AADACL2: variants seen among roughly 807,000 people sequenced by gnomAD.
The protein encoded by AADACL2 is arylacetamide deacetylase-like 2.
In AADACL2, 23 loss-of-function variants were observed where a neutral mutation model predicts 22.3. The observed-to-expected ratio is 1.03, with a 90% confidence interval of 0.74 to 1.46. The LOEUF (loss-of-function observed/expected upper bound fraction) is 1.46, where lower values mean the gene tolerates loss of function less well. Among genes scored for constraint, AADACL2 ranks in the 40% most tolerant of loss-of-function variants. The probability of loss-of-function intolerance (pLI) is 0.00; values close to 1 mark genes in which losing one functional copy is unlikely to be tolerated. For missense variants in AADACL2, 472 were observed against 482.9 expected (o/e 0.98, Z 0.21); for synonymous variants, 177 against 166.2 (o/e 1.07, Z -0.50).
In AADACL2 at chr3:151,757,209, C is replaced by G; in HGVS notation, c.821C>G (p.Ser274Ter). The G allele has an allele frequency of 3.1e-6, 5 of 1,613,636 alleles. No individual in the cohort carries two copies. The South Asian group carries it at 5.5e-5, about 18-fold the overall frequency. The stretch of plus-strand genomic sequence containing the variant: ...AGAAACCAACACATGCCTCTGGAGT[C>G]AAGACATCTGTTTAAGTTTGTTAAC... The part of the protein sequence containing the change: ...MRRNQHMPLE[S>*]RHLFKFVNWS... Residue 274 changes from serine (S) to a stop codon, truncating the protein, a stop_gained, in exon 5 of 5, where the codon TCA becomes TGA. Coordinates refer to ENST00000356517, the MANE Select transcript of AADACL2 (RefSeq NM_207365.4). LOFTEE classifies it low-confidence loss of function (END_TRUNC).
chr3:151,754,236 C>CGGGA (rs1307752306), intron 4 of AADACL2, among the ~76,000 whole-genome samples: 45 of 152,232 alleles, frequency 3.0e-4, no homozygotes, highest in African/African-American at 1.1e-3. Context: ...TGCTGGTCCA[C>CGGGA]ATGTTTACTC....
intron 1 of AADACL2, among the ~76,000 whole-genome samples, chr3:151,735,690 G>A (rs914993924): frequency 8.5e-5 from 13 of 152,260 alleles, no homozygotes; most frequent in East Asian, 3.9e-4. Flanking sequence ...TCCAGGAGGC[G>A]GAGGTTGCAG....
At chr3:151,740,164 G>C (rs1389358723) in intron 1 of AADACL2, among the ~76,000 whole-genome samples, 1 of 152,228 alleles carries the variant, frequency 6.6e-6, no homozygotes, top group African/African-American at 2.4e-5. Context: ...CTCCTGATCT[G>C]CAGATTGCAA....
rs183436583 is a variant in AADACL2, at chr3:151,749,769, C to T, written c.603+4089C>T. ...GTGCTGGAATTACAGGCGTGAGCCACTGCACCCGGCCCAGACTTTTTTTAC... is the reference window on the plus strand; with the variant it reads ...GTGCTGGAATTACAGGCGTGAGCCATTGCACCCGGCCCAGACTTTTTTTAC... On this transcript the variant is annotated intron_variant, in intron 4 of 4. Coordinates refer to ENST00000356517, the MANE Select transcript of AADACL2 (RefSeq NM_207365.4). 1.4e-3 allele frequency among the ~76,000 whole-genome samples: 220 copies of T among 152,182 alleles called. 1 individual carries two copies. The highest frequency in any genetic ancestry group is 4.6e-4 in the Non-Finnish European group (31 of 67,972).
rs1278623248 is a variant in AADACL2, at chr3:151,735,962, G to A, written c.138+1789G>A. Among the ~76,000 whole-genome samples the A allele has an allele frequency of 2.0e-5, 3 of 152,162 alleles. No individual in the cohort carries two copies. In the East Asian group the frequency reaches 5.8e-4, roughly 29 times the overall value. On this transcript the variant is annotated intron_variant, in intron 1 of 4. Coordinates refer to ENST00000356517, the MANE Select transcript of AADACL2 (RefSeq NM_207365.4). ...CAAAAGTCCTCGAGAAGCTGGTCAG[G>A]AATACCAAAGGCAGCTTTTTTCAGT... is the stretch of plus-strand genomic sequence containing the variant.
At position 151,739,666 on chromosome 3, in the gene AADACL2, A is replaced by G. The variant is rs139606121; in HGVS notation, c.139-980A>G. On this transcript the variant is annotated intron_variant, in intron 1 of 4. Transcript: ENST00000356517. The stretch of plus-strand genomic sequence containing the variant: ...TCAGGAAGATGGGAGTTTTATCTGT[A>G]AGCCTCTGACTAGGGCTGCTGCCTT... Among the ~76,000 whole-genome samples, 69 of 152,260 alleles carry G rather than the reference A, an allele frequency of 4.5e-4. No individual in the cohort carries two copies. The East Asian group carries it at 0.013, about 28-fold the overall frequency.
rs112989452 is a variant in AADACL2, at chr3:151,744,580, T to C, written c.431+418T>C. On this transcript the variant is annotated intron_variant, in intron 3 of 4. Transcript: ENST00000356517. The stretch of plus-strand genomic sequence containing the variant: ...CTATTTTATATCTGTTTTGATATAA[T>C]AATATGTTTGTGCCTGGCTTATACA... Among the ~76,000 whole-genome samples, 838 of 152,282 alleles carry C rather than the reference T, an allele frequency of 5.5e-3. 9 individuals are homozygous for C. The highest frequency in any genetic ancestry group is 0.019 in the African/African-American group (794 of 41,564).
chr3:151,738,715 T>A (rs1713175694), intron 1 of AADACL2, among the ~76,000 whole-genome samples: 1 of 152,196 alleles, frequency 6.6e-6, no homozygotes, highest in African/African-American at 2.4e-5. Context: ...TTTTCTCTAA[T>A]CTTATCTTCA....
At chr3:151,750,630 C>T (rs1292750887) in intron 4 of AADACL2, among the ~76,000 whole-genome samples, 1 of 151,900 alleles carries the variant, frequency 6.6e-6, no homozygotes, top group Non-Finnish European at 1.5e-5. Flanking sequence ...TAAAATATGA[C>T]TTTAGTTATA....
rs763294749 is a variant in AADACL2, at chr3:151,757,357, T to C, written c.969T>C (p.Asn323=). ...TDSRALPLLA[N]DSQLQNLPLT... ...GCAGAGCATTACCCTTGTTGGCCAA[T>C]GATTCTCAGTTACAGAATTTGCCAC... Residue 323 remains asparagine, a synonymous_variant, in exon 5 of 5, where the codon AAT becomes AAC. Coordinates refer to ENST00000356517, the MANE Select transcript of AADACL2 (RefSeq NM_207365.4). The C allele has an allele frequency of 6.2e-7, 1 of 1,613,820 alleles. No individual in the cohort carries two copies. Among genetic ancestry groups the C allele is most frequent in the South Asian group, 1.1e-5 (1 of 91,066 alleles).
At chr3:151,738,204 C>T (rs62274236) in intron 1 of AADACL2, among the ~76,000 whole-genome samples, 2,673 of 152,186 alleles carry the variant, frequency 0.018, 27 homozygotes, top group Non-Finnish European at 0.027. Flanking sequence ...TGACAAAATC[C>T]CTCAGCATTT....
At chr3:151,750,749 A>C (rs1713636494) in intron 4 of AADACL2, among the ~76,000 whole-genome samples, 1 of 152,200 alleles carries the variant, frequency 6.6e-6, no homozygotes, top group Non-Finnish European at 1.5e-5. Context: ...AGAAGTTTAT[A>C]TACATACATA....
chr3:151,741,128 T>C (rs1249467661), intron 2 of AADACL2, among the ~76,000 whole-genome samples: 1 of 152,180 alleles, frequency 6.6e-6, no homozygotes, highest in Non-Finnish European at 1.5e-5. Flanking sequence ...AATGAACATA[T>C]ATCAAAGGAA....
At chr3:151,742,934 C>T (rs946363791) in intron 2 of AADACL2, among the ~76,000 whole-genome samples, 1 of 151,986 alleles carries the variant, frequency 6.6e-6, no homozygotes, top group African/African-American at 2.4e-5. Context: ...AAGCCACAGA[C>T]CCTCTTTTTG....
chr3:151,749,491 T>C (rs1010561514), intron 4 of AADACL2, among the ~76,000 whole-genome samples: 10 of 152,144 alleles, frequency 6.6e-5, no homozygotes, highest in African/African-American at 2.2e-4. Flanking sequence ...AGACTTTTTT[T>C]TTGGTTTTTG....
At chr3:151,742,936 C>A (rs1713324732) in intron 2 of AADACL2, among the ~76,000 whole-genome samples, 1 of 152,024 alleles carries the variant, frequency 6.6e-6, no homozygotes, top group African/African-American at 2.4e-5. Flanking sequence ...GCCACAGACC[C>A]TCTTTTTGGT....
chr3:151,744,106 T>C lies in AADACL2; in HGVS notation c.375T>C (p.Phe125=). Residue 125 remains phenylalanine, a synonymous_variant, in exon 3 of 5, where the codon TTT becomes TTC. Coordinates refer to ENST00000356517, the MANE Select transcript of AADACL2 (RefSeq NM_207365.4). ...TCTTCATTTCAGAACAGAGGGCTTT[T>C]GACTTCCTGAATAGATGGACGGCAA... ...FCFGSSKQRA[F]DFLNRWTANT... 1 of 1,613,774 alleles carries C rather than the reference T, an allele frequency of 6.2e-7. No individual in the cohort carries two copies. The highest frequency in any genetic ancestry group is 8.5e-7 in the Non-Finnish European group (1 of 1,179,750).
At chr3:151,739,760 C>T (rs2107981540) in intron 1 of AADACL2, among the ~76,000 whole-genome samples, 1 of 152,288 alleles carries the variant, frequency 6.6e-6, no homozygotes, top group Non-Finnish European at 1.5e-5. Context: ...CACTTTGCTA[C>T]ATGGTGCTGA....
chr3:151,756,207 T>C (rs529679917), intron 4 of AADACL2, among the ~76,000 whole-genome samples: 20 of 152,236 alleles, frequency 1.3e-4, no homozygotes, highest in African/African-American at 4.8e-4. Context: ...TAATTCAACG[T>C]TATCTCCTGC....
Sources: gnomAD v4.1 joint callset for allele counts (sites outside exome capture counted in the v4.1 genomes callset) on GRCh38, gnomAD v4.1.1 for gene constraint, MANE v1.5 for transcripts, NCBI Gene and HGNC (gene_info 2026-07-23, HGNC 2026-07-21) for gene names.